Variants in DRC11 observed in about 807,000 individuals in gnomAD.
The protein encoded by DRC11 is dynein regulatory complex subunit 11, also known as IQ and AAA domain-containing protein 1.
At chr2:236,449,941 C>G in the DRC11 span, among the ~76,000 whole-genome samples, 2 of 152,068 alleles carry the variant, frequency 1.3e-5, no homozygotes, top group Non-Finnish European at 2.9e-5. This position sits in a 1 kb window ranked among gnomAD's most constrained non-coding sequence, Gnocchi z 5.1. Flanking sequence ...GAGGAGAAAC[C>G]CCTATGTGTG....
At chr2:236,368,217 G>C in the DRC11 span, 1 of 1,609,682 alleles carries the variant, frequency 6.2e-7, no homozygotes, top group Admixed American at 1.7e-5. Flanking sequence ...TCCGTACAAT[G>C]TGATGAGCTG....
At chr2:236,345,067 C>CT in the DRC11 span, among the ~76,000 whole-genome samples, 34 of 65,470 alleles carry the variant, frequency 5.2e-4, no homozygotes, top group Non-Finnish European at 6.7e-4. Context: ...TGGCTGTGAA[C>CT]GTGCTTCCCT....
the DRC11 span, among the ~76,000 whole-genome samples, chr2:236,459,576 C>CGTACGTAT: frequency 0.042 from 5,145 of 122,686 alleles, 304 homozygotes; most frequent in Non-Finnish European, 0.058. Flanking sequence ...TATGTGTATA[C>CGTACGTAT]ATACGTATAT....
the DRC11 span, among the ~76,000 whole-genome samples, chr2:236,443,465 T>C: frequency 6.6e-6 from 1 of 152,194 alleles, no homozygotes; most frequent in South Asian, 2.1e-4. The surrounding 1 kb of genome is among the most constrained non-coding windows in gnomAD (Gnocchi z 4.4). Context: ...CTCCCACATA[T>C]AAGTGAGAAC....
At chr2:236,428,160 T>A in the DRC11 span, among the ~76,000 whole-genome samples, 7 of 152,160 alleles carry the variant, frequency 4.6e-5, no homozygotes, top group Non-Finnish European at 1.0e-4. Context: ...AATATATGAT[T>A]TGTCCTGGGG....
the DRC11 span, among the ~76,000 whole-genome samples, chr2:236,345,316 A>AC: frequency 9.4e-3 from 1,378 of 147,038 alleles, 15 homozygotes; most frequent in African/African-American, 0.031. Flanking sequence ...ACAAGTCCCC[A>AC]CCCCCCCCAA....
chr2:236,464,458 A>G, the DRC11 span, among the ~76,000 whole-genome samples: 1 of 152,132 alleles, frequency 6.6e-6, no homozygotes, highest in Non-Finnish European at 1.5e-5. Flanking sequence ...TTGATTTAAA[A>G]TCTCTTCTAA....
the DRC11 span, among the ~76,000 whole-genome samples, chr2:236,315,225 AG>A: frequency 1.3e-5 from 2 of 152,350 alleles, no homozygotes; most frequent in South Asian, 2.1e-4. This position sits in a 1 kb window ranked among gnomAD's most constrained non-coding sequence, Gnocchi z 5.1. Context: ...GGAAAAGAAC[AG>A]TCTTTTCAAG....
the DRC11 span, among the ~76,000 whole-genome samples, chr2:236,356,713 A>G: frequency 6.6e-6 from 1 of 151,878 alleles, no homozygotes; most frequent in Non-Finnish European, 1.5e-5. Flanking sequence ...CGGAGGTCAG[A>G]AAAAGCCCTT....
chr2:236,467,965 A>T, the DRC11 span, among the ~76,000 whole-genome samples: 1 of 152,220 alleles, frequency 6.6e-6, no homozygotes, highest in Admixed American at 6.5e-5. Flanking sequence ...TCATTAAAAT[A>T]CAGTGTCCAC....
chr2:236,445,855 AC>A, the DRC11 span, among the ~76,000 whole-genome samples: 5 of 152,118 alleles, frequency 3.3e-5, no homozygotes, highest in Non-Finnish European at 5.9e-5. This position sits in a 1 kb window ranked among gnomAD's most constrained non-coding sequence, Gnocchi z 4.8. Flanking sequence ...GCTTGTGCAA[AC>A]AGATGGGTGT....
the DRC11 span, among the ~76,000 whole-genome samples, chr2:236,361,637 G>A: frequency 1.4e-4 from 21 of 152,000 alleles, no homozygotes; most frequent in East Asian, 3.9e-3. This position sits in a 1 kb window ranked among gnomAD's most constrained non-coding sequence, Gnocchi z 5.7. Flanking sequence ...ACAGTAATCC[G>A]TAGGCCACCA....
the DRC11 span, among the ~76,000 whole-genome samples, chr2:236,360,145 G>C: frequency 2.6e-3 from 389 of 152,284 alleles, 1 homozygote; most frequent in African/African-American, 8.8e-3. This position sits in a 1 kb window ranked among gnomAD's most constrained non-coding sequence, Gnocchi z 5.8. Flanking sequence ...AAGCTGTTTG[G>C]TGAGTCAGAA....
the DRC11 span, among the ~76,000 whole-genome samples, chr2:236,318,378 C>T: frequency 1.2e-4 from 19 of 152,150 alleles, no homozygotes; most frequent in African/African-American, 4.1e-4. The surrounding 1 kb of genome is among the most constrained non-coding windows in gnomAD (Gnocchi z 7.0). Context: ...ATGAGCCCAC[C>T]GAGGAAATAA....
the DRC11 span, among the ~76,000 whole-genome samples, chr2:236,327,971 T>A: frequency 6.6e-6 from 1 of 152,218 alleles, no homozygotes; most frequent in African/African-American, 2.4e-5. Flanking sequence ...CTATATATTT[T>A]TTTCACTATC....
At chr2:236,450,770 G>C in the DRC11 span, among the ~76,000 whole-genome samples, 19 of 152,062 alleles carry the variant, frequency 1.2e-4, no homozygotes, top group South Asian at 2.3e-3. Context: ...TCTCCACTTT[G>C]TCTGATGTAT....
the DRC11 span, among the ~76,000 whole-genome samples, chr2:236,396,571 G>A: frequency 2.5e-4 from 38 of 152,150 alleles, no homozygotes; most frequent in African/African-American, 7.2e-4. Context: ...CTTTTGGGCC[G>A]GTCAGCAGGT....
At chr2:236,450,314 C>CTTTT in the DRC11 span, among the ~76,000 whole-genome samples, 738 of 82,272 alleles carry the variant, frequency 9.0e-3, no homozygotes, top group Middle Eastern at 0.013. Flanking sequence ...CTTTTCTTTT[C>CTTTT]TTTTTTTTTT....
chr2:236,470,664 T>C, the DRC11 span, among the ~76,000 whole-genome samples: 1 of 152,230 alleles, frequency 6.6e-6, no homozygotes, highest in Non-Finnish European at 1.5e-5. The surrounding 1 kb of genome is among the most constrained non-coding windows in gnomAD (Gnocchi z 5.1). Context: ...TCTATATTTA[T>C]GTATCTGTGT....
Sources: gnomAD v4.1 joint callset for allele counts (sites outside exome capture counted in the v4.1 genomes callset) on GRCh38, gnomAD v4.1.1 for gene constraint, Gnocchi (gnomAD v3.1) non-coding constraint, MANE v1.5 for transcripts, NCBI Gene and HGNC (gene_info 2026-07-23, HGNC 2026-07-21) for gene names.